ATRNL1: variants seen among roughly 807,000 people sequenced by gnomAD.
ATRNL1 encodes the protein attractin like 1.
Under a neutral mutation model 182.7 loss-of-function variants are expected in ATRNL1, and 95 were observed. The ratio of observed to expected loss-of-function variants is 0.52; its 90% CI spans 0.44 to 0.62. ATRNL1 has a LOEUF of 0.62. Ranked by LOEUF, ATRNL1 falls within the 20% of genes least tolerant of loss-of-function variation. ATRNL1 has a pLI of 0.00. For synonymous variants in ATRNL1, 576 were observed against 568.3 expected (o/e 1.01, Z -0.19); for missense variants, 1,471 against 1,679.5 (o/e 0.88, Z 2.17).
At chr10:115,515,368 A>G (rs1216348243) in intron 24 of ATRNL1, among the ~76,000 whole-genome samples, 1 of 128,080 alleles carries the variant, frequency 7.8e-6, no homozygotes, top group Non-Finnish European at 1.7e-5. Flanking sequence ...ATATTTTAAT[A>G]TTGGAAGTCA....
chr10:115,615,179 A>C (rs1356695691), intron 26 of ATRNL1, among the ~76,000 whole-genome samples: 1 of 151,858 alleles, frequency 6.6e-6, no homozygotes, highest in African/African-American at 2.4e-5. Flanking sequence ...CTTTCTCATG[A>C]GGGTATCTGC....
At chr10:115,421,133 C>T (rs896753915) in intron 20 of ATRNL1, among the ~76,000 whole-genome samples, 1 of 152,084 alleles carries the variant, frequency 6.6e-6, no homozygotes, top group African/African-American at 2.4e-5. Flanking sequence ...TGAACTCATA[C>T]CAATTACTAT....
intron 18 of ATRNL1, among the ~76,000 whole-genome samples, chr10:115,322,058 G>T (rs1854610235): frequency 6.6e-6 from 1 of 151,842 alleles, no homozygotes; most frequent in African/African-American, 2.4e-5. Flanking sequence ...TTTAACCAAG[G>T]AGATGAAAGA....
intron 27 of ATRNL1, among the ~76,000 whole-genome samples, chr10:115,810,452 C>A (rs1034767715): frequency 6.6e-6 from 1 of 151,850 alleles, no homozygotes; most frequent in Non-Finnish European, 1.5e-5. Flanking sequence ...ATGACAAATT[C>A]TTTTATTTTT....
chr10:115,570,590 C>G (rs1236779369), intron 26 of ATRNL1, among the ~76,000 whole-genome samples: 2 of 152,126 alleles, frequency 1.3e-5, no homozygotes, highest in African/African-American at 2.4e-5. Flanking sequence ...TTGGTCACCC[C>G]CCAGTGACCT....
At chr10:115,543,613 T>C (rs953266320) in intron 25 of ATRNL1, among the ~76,000 whole-genome samples, 3 of 152,274 alleles carry the variant, frequency 2.0e-5, no homozygotes, top group East Asian at 3.9e-4. Context: ...ATTATCTCTT[T>C]TTACAATTGG....
At chr10:115,426,142 T>C (rs1316397568) in intron 20 of ATRNL1, 108 bp from the exon 21 acceptor site, 1 of 801,012 alleles carries the variant, frequency 1.2e-6, no homozygotes, top group Non-Finnish European at 2.0e-6. Context: ...AATGGTATAG[T>C]TTTAAATATG....
intron 15 of ATRNL1, among the ~76,000 whole-genome samples, chr10:115,299,477 A>G (rs1554923766): frequency 6.6e-6 from 1 of 152,094 alleles, no homozygotes; most frequent in Non-Finnish European, 1.5e-5. Context: ...ATAGAAGTCC[A>G]GATTTATTTG....
intron 24 of ATRNL1, among the ~76,000 whole-genome samples, chr10:115,476,045 T>C (rs1848515507): frequency 6.6e-6 from 1 of 151,348 alleles, no homozygotes; most frequent in Non-Finnish European, 1.5e-5. Context: ...TTTTCTGATA[T>C]ATACTCTACA....
chr10:115,170,975 A>G, intron 7 of ATRNL1, 62 bp from the exon 8 acceptor site: 1 of 985,988 alleles, frequency 1.0e-6, no homozygotes, highest in Non-Finnish European at 1.4e-6. Context: ...CTTTATTTTT[A>G]ATTAATATGT....
chr10:115,262,773 A>G (rs1851444614), intron 10 of ATRNL1, among the ~76,000 whole-genome samples: 1 of 152,026 alleles, frequency 6.6e-6, no homozygotes, highest in Non-Finnish European at 1.5e-5. Context: ...TAACCTATAC[A>G]TGTGAAAATA....
chr10:115,159,795 T>G (rs1373153774), intron 5 of ATRNL1, among the ~76,000 whole-genome samples: 1 of 151,756 alleles, frequency 6.6e-6, no homozygotes, highest in Admixed American at 6.6e-5. Context: ...ATTTAAATAA[T>G]TCTTTAAAAT....
chr10:115,519,764 T>A (rs1850824808), intron 25 of ATRNL1, among the ~76,000 whole-genome samples: 1 of 152,194 alleles, frequency 6.6e-6, no homozygotes. Flanking sequence ...TGTAAAATGC[T>A]ACATGTCCTA....
intron 26 of ATRNL1, among the ~76,000 whole-genome samples, chr10:115,606,967 C>T (rs933282080): frequency 2.0e-5 from 3 of 151,828 alleles, no homozygotes; most frequent in African/African-American, 7.2e-5. Flanking sequence ...TTCAGTGATG[C>T]GTGATAAAGT....
At chr10:115,788,612 G>C (rs955328746) in intron 27 of ATRNL1, among the ~76,000 whole-genome samples, 2 of 152,184 alleles carry the variant, frequency 1.3e-5, no homozygotes, top group African/African-American at 4.8e-5. Flanking sequence ...CAGGTAATTA[G>C]AAAAGCAATT....
intron 28 of ATRNL1, among the ~76,000 whole-genome samples, chr10:115,924,570 G>A (rs1373749725): frequency 3.9e-5 from 6 of 151,938 alleles, no homozygotes; most frequent in South Asian, 2.1e-4. Context: ...GATGTGTGGC[G>A]TTATTTCTGA....
chr10:115,522,562 C>T (rs1246082046), intron 25 of ATRNL1, among the ~76,000 whole-genome samples: 1 of 152,148 alleles, frequency 6.6e-6, no homozygotes, highest in Admixed American at 6.5e-5. Flanking sequence ...AATATTAAAA[C>T]TATAGCATTC....
chr10:115,175,626 A>G (rs1487667542), intron 8 of ATRNL1, among the ~76,000 whole-genome samples: 4 of 152,084 alleles, frequency 2.6e-5, no homozygotes, highest in Admixed American at 2.6e-4. Flanking sequence ...TATAAGAATA[A>G]TAGATAAACC....
chr10:115,148,433 T>G (rs1302234027), intron 5 of ATRNL1, among the ~76,000 whole-genome samples: 2 of 152,194 alleles, frequency 1.3e-5, no homozygotes, highest in African/African-American at 2.4e-5. Flanking sequence ...GCATTTTCTT[T>G]CTTTCTCTTG....
Sources: gnomAD v4.1 joint callset for allele counts (sites outside exome capture counted in the v4.1 genomes callset) on GRCh38, gnomAD v4.1.1 for gene constraint, MANE v1.5 for transcripts, NCBI Gene and HGNC (gene_info 2026-07-23, HGNC 2026-07-21) for gene names.